RBMS3: variants seen among roughly 807,000 people sequenced by gnomAD.
RBMS3 encodes RNA-binding motif, single-stranded-interacting protein 3.
In RBMS3, 27 loss-of-function variants were observed where a neutral mutation model predicts 66.8. That is an observed-to-expected ratio of 0.40 (90% CI 0.30 to 0.56). The LOEUF is 0.56. Among genes scored for constraint, RBMS3 ranks in the 20% least tolerant of loss-of-function variants. The pLI, the probability that RBMS3 is intolerant of heterozygous loss-of-function variation, is 0.40. For missense variants in RBMS3, 513 were observed against 549.5 expected (o/e 0.93, Z 0.66); for synonymous variants, 188 against 183.0 (o/e 1.03, Z -0.22).
intron 10 of RBMS3, among the ~76,000 whole-genome samples, chr3:29,913,348 A>T (rs530159269): frequency 6.6e-6 from 1 of 152,124 alleles, no homozygotes; most frequent in South Asian, 2.1e-4. Flanking sequence ...CTATATCATC[A>T]GCAGAGAAAA....
chr3:29,814,937 G>A (rs1000378594), intron 6 of RBMS3, among the ~76,000 whole-genome samples: 3 of 152,076 alleles, frequency 2.0e-5, no homozygotes, highest in African/African-American at 7.2e-5. Flanking sequence ...CATATATAAA[G>A]TTACAGAATG....
chr3:29,827,717 C>T (rs1201995439), intron 6 of RBMS3, among the ~76,000 whole-genome samples: 2 of 152,092 alleles, frequency 1.3e-5, no homozygotes, highest in Admixed American at 1.3e-4. Flanking sequence ...TATCACACTG[C>T]CTCTTGCATG....
intron 4 of RBMS3, among the ~76,000 whole-genome samples, chr3:29,707,279 T>A (rs1411342035): frequency 6.6e-6 from 1 of 152,182 alleles, no homozygotes; most frequent in Non-Finnish European, 1.5e-5. Context: ...TTGCGAGAAG[T>A]GAATTAAGAT....
At chr3:29,691,514 G>A (rs1404207880) in intron 4 of RBMS3, among the ~76,000 whole-genome samples, 2 of 152,062 alleles carry the variant, frequency 1.3e-5, no homozygotes, top group African/African-American at 2.4e-5. Flanking sequence ...GTGGTTCTTT[G>A]TAATAGCCAA....
At chr3:29,918,609 G>A (rs9852666) in intron 10 of RBMS3, among the ~76,000 whole-genome samples, 14,443 of 151,998 alleles carry the variant, frequency 0.095, 1,408 homozygotes, top group African/African-American at 0.25. Flanking sequence ...CCACCTTAAT[G>A]TTATAAATAT....
chr3:29,506,705 G>A (rs554310789), intron 3 of RBMS3, among the ~76,000 whole-genome samples: 25 of 151,846 alleles, frequency 1.6e-4, no homozygotes, highest in South Asian at 4.2e-4. Flanking sequence ...ATCAGGTCCC[G>A]GACTTTTCTT....
Position 29,685,215 on chromosome 3 carries a change from C to T in RBMS3, c.400-54505C>T, listed in dbSNP as rs1040219000. 5.3e-5 allele frequency among the ~76,000 whole-genome samples: 8 copies of T among 151,902 alleles called. No individual in the cohort carries two copies. The East Asian group carries it at 5.8e-4, about 11-fold the overall frequency. On this transcript the variant is annotated intron_variant, in intron 4 of 14. Coordinates refer to ENST00000383767, the MANE Select transcript of RBMS3 (RefSeq NM_001003793.3). ...CTGGGACTACAGGCGCCCGCCACCACGCCCAGCTAATTTTTTTTTGTATTT... is the reference window on the plus strand; with the variant it reads ...CTGGGACTACAGGCGCCCGCCACCATGCCCAGCTAATTTTTTTTTGTATTT...
chr3:29,491,757 GC>G (rs1253985134), intron 3 of RBMS3, among the ~76,000 whole-genome samples: 1 of 152,204 alleles, frequency 6.6e-6, no homozygotes. Context: ...ACTTTGGGAG[GC>G]CAAGATGGGC....
chr3:29,622,953 A>G (rs1420241931), intron 4 of RBMS3, among the ~76,000 whole-genome samples: 1 of 150,322 alleles, frequency 6.7e-6, no homozygotes, highest in African/African-American at 2.4e-5. Context: ...CGTCTCTACT[A>G]AAAAATACAA....
intron 3 of RBMS3, among the ~76,000 whole-genome samples, chr3:29,505,013 A>G (rs1045942304): frequency 6.6e-6 from 1 of 151,986 alleles, no homozygotes; most frequent in Admixed American, 6.6e-5. Flanking sequence ...GACATATGTT[A>G]TGTCTTCACC....
intron 4 of RBMS3, among the ~76,000 whole-genome samples, chr3:29,645,066 G>T (rs1276719055): frequency 1.3e-5 from 2 of 152,000 alleles, no homozygotes; most frequent in South Asian, 4.2e-4. Context: ...CATCTATTAG[G>T]GTATCATTGT....
chr3:29,346,200 A>T (rs2125547661), intron 1 of RBMS3, among the ~76,000 whole-genome samples: 1 of 152,302 alleles, frequency 6.6e-6, no homozygotes, highest in South Asian at 2.1e-4. Context: ...TCCAGAGAGA[A>T]TACAAGTACC....
chr3:29,453,021 T>C (rs1387848025), intron 2 of RBMS3, among the ~76,000 whole-genome samples: 2 of 152,204 alleles, frequency 1.3e-5, no homozygotes, highest in African/African-American at 2.4e-5. Flanking sequence ...AATCTTGCTA[T>C]TAATATGTTG....
chr3:29,740,448 A>G (rs76599492), intron 5 of RBMS3, among the ~76,000 whole-genome samples: 3,738 of 146,658 alleles, frequency 0.025, 145 homozygotes, highest in African/African-American at 0.085. Flanking sequence ...AGAACAGGGG[A>G]AAAAAAAATA....
chr3:29,417,376 A>T (rs114933621), intron 1 of RBMS3, among the ~76,000 whole-genome samples: 1,669 of 152,096 alleles, frequency 0.011, 34 homozygotes, highest in African/African-American at 0.036. Context: ...AAGTATGTAA[A>T]CTTAACCTCT....
At position 29,864,538 on chromosome 3, in the gene RBMS3, C is replaced by A. The variant is rs529281198; in HGVS notation, c.638-4320C>A. Reference sequence around the variant, plus strand: ...TTGCAAGTTCTGTATGTTGACGAAGCCTCTATGGAGTTAAAATGGAACAGA... The same window carrying A: ...TTGCAAGTTCTGTATGTTGACGAAGACTCTATGGAGTTAAAATGGAACAGA... On this transcript the variant is annotated intron_variant, in intron 6 of 14. Transcript: ENST00000383767. 7.6e-4 allele frequency among the ~76,000 whole-genome samples: 116 copies of A among 152,126 alleles called. 1 individual carries two copies. The South Asian group carries it at 0.023, about 30-fold the overall frequency.
At chr3:29,562,321 T>A (rs2046586800) in intron 3 of RBMS3, among the ~76,000 whole-genome samples, 1 of 152,162 alleles carries the variant, frequency 6.6e-6, no homozygotes, top group South Asian at 2.1e-4. Context: ...TGCTGCCCGA[T>A]CTTCTGATTG....
intron 4 of RBMS3, among the ~76,000 whole-genome samples, chr3:29,588,202 G>A (rs1379528): frequency 6.6e-6 from 1 of 151,910 alleles, no homozygotes; most frequent in East Asian, 1.9e-4. Context: ...TGGCCATTTA[G>A]GATTTATTCA....
chr3:29,377,099 A>C (rs1559530388), intron 1 of RBMS3, among the ~76,000 whole-genome samples: 1 of 151,996 alleles, frequency 6.6e-6, no homozygotes, highest in Non-Finnish European at 1.5e-5. Context: ...CAGAAAAAAA[A>C]AAAAGAAAAG....
Sources: gnomAD v4.1 joint callset for allele counts (sites outside exome capture counted in the v4.1 genomes callset) on GRCh38, gnomAD v4.1.1 for gene constraint, MANE v1.5 for transcripts, NCBI Gene and HGNC (gene_info 2026-07-23, HGNC 2026-07-21) for gene names.